SARS1: variants seen among roughly 807,000 people sequenced by gnomAD.
The protein encoded by SARS1 is seryl-tRNA synthetase 1.
Under a neutral mutation model 63.7 loss-of-function variants are expected in SARS1, and 25 were observed. The ratio of observed to expected loss-of-function variants is 0.39; its 90% CI spans 0.29 to 0.55. The LOEUF (loss-of-function observed/expected upper bound fraction) is 0.55. Ranked by LOEUF, SARS1 falls within the 20% of genes least tolerant of loss-of-function variation. The pLI is 0.62. For synonymous variants in SARS1, 231 were observed against 243.5 expected, an observed-to-expected ratio of 0.95 and a Z score of 0.48; for missense variants, 417 against 649.7, an observed-to-expected ratio of 0.64 and a Z score of 3.89.
At chr1:109,225,247 C>T (rs1260204687) in intron 2 of SARS1, among the ~76,000 whole-genome samples, 2 of 152,150 alleles carry the variant, frequency 1.3e-5, no homozygotes, top group Non-Finnish European at 1.5e-5. Context: ...AAGATGACCT[C>T]GGGATTCTAG....
chr1:109,218,408 T>TTC, intron 1 of SARS1, among the ~76,000 whole-genome samples: 1 of 145,950 alleles, frequency 6.9e-6, no homozygotes, highest in East Asian at 2.0e-4. Flanking sequence ...ATATTTTACT[T>TTC]TTTTTTTTTT....
Position 109,213,919 on chromosome 1 carries a change from C to A in SARS1, c.-74C>A, listed in dbSNP as rs1654723406. 6.7e-6 allele frequency: 10 copies of A among 1,489,374 alleles called. No individual in the cohort carries two copies. 92.3% of individuals were successfully genotyped at this position (1,489,374 alleles called of 1,614,324 possible). ...GGAAGGGCGGGTCAGCGCGCCGGCG[C>A]AGTGCGGCGGTCACAGGCTGAGTGC... On this transcript the variant is annotated 5_prime_UTR_variant, in exon 1 of 11. Transcript: ENST00000234677.
At chr1:109,227,244 C>G (rs1655110812) in intron 2 of SARS1, among the ~76,000 whole-genome samples, 1 of 152,144 alleles carries the variant, frequency 6.6e-6, no homozygotes, top group Admixed American at 6.5e-5. Context: ...CCACCCACCT[C>G]AGCCTCCCAA....
rs1655219146 is a variant in SARS1, at chr1:109,231,870, G to C, written c.747+84G>C. ...TGATGCAGAGTGGTGCTGTCCAATAGGACTTTCTGCGATGATGGAAACGTT... is the reference window on the plus strand; with the variant it reads ...TGATGCAGAGTGGTGCTGTCCAATACGACTTTCTGCGATGATGGAAACGTT... On this transcript the variant is annotated intron_variant, in intron 6 of 10. Coordinates refer to ENST00000234677, the MANE Select transcript of SARS1 (RefSeq NM_006513.4). 5 of 1,201,028 alleles carry C rather than the reference G, an allele frequency of 4.2e-6. No homozygotes were observed. The East Asian group carries it at 1.5e-4, about 35-fold the overall frequency. 74.4% of individuals were successfully genotyped at this position (1,201,028 alleles called of 1,614,324 possible). A position where few individuals can be genotyped will look rare whatever the true frequency, so the allele number is the denominator to read the frequency against.
chr1:109,226,189 G>A, intron 2 of SARS1, among the ~76,000 whole-genome samples: 1 of 126,266 alleles, frequency 7.9e-6, no homozygotes, highest in South Asian at 2.5e-4. Flanking sequence ...TCCCTGTGTT[G>A]CTACTGCACC....
At chr1:109,226,717 CACACACACACAT>C (rs1327460486) in intron 2 of SARS1, among the ~76,000 whole-genome samples, 3 of 54,054 alleles carry the variant, frequency 5.6e-5, no homozygotes, top group Admixed American at 2.5e-4. Context: ...CACACACACA[CACACACACACAT>C]ATATATATAT....
intron 1 of SARS1, among the ~76,000 whole-genome samples, chr1:109,217,727 A>G (rs1373538977): frequency 1.3e-5 from 2 of 151,678 alleles, no homozygotes; most frequent in African/African-American, 4.8e-5. Context: ...TGCCCAGCTA[A>G]TTTTTAATTT....
At chr1:109,217,770 G>T (rs1455640069) in intron 1 of SARS1, among the ~76,000 whole-genome samples, 1 of 151,880 alleles carries the variant, frequency 6.6e-6, no homozygotes, top group Non-Finnish European at 1.5e-5. Flanking sequence ...TTGTTGCCCA[G>T]GCTGGTCTCG....
At chr1:109,226,076 T>C (rs1412050619) in intron 2 of SARS1, among the ~76,000 whole-genome samples, 1 of 151,630 alleles carries the variant, frequency 6.6e-6, no homozygotes, top group Non-Finnish European at 1.5e-5. Context: ...CACTGCAGCC[T>C]CAACCTCCTG....
chr1:109,214,132 A>C lies in SARS1; in HGVS notation c.136+4A>C. 1 of 1,613,456 alleles carries C rather than the reference A, an allele frequency of 6.2e-7. No homozygotes were observed. The highest frequency in any genetic ancestry group is 8.5e-7 in the Non-Finnish European group (1 of 1,179,654). Reference sequence around the variant, plus strand: ...GCAGACAGCGAGTGGCGACGATGTAAGTACCGGGACGGGCGGGTTACCTCC... The same window carrying C: ...GCAGACAGCGAGTGGCGACGATGTACGTACCGGGACGGGCGGGTTACCTCC... On this transcript the variant is annotated splice_donor_region_variant and intron_variant, in intron 1 of 10. Transcript: ENST00000234677. This position sits in a 1 kb window ranked among gnomAD's most constrained non-coding sequence, Gnocchi z 4.6.
chr1:109,220,125 TTAAC>T (rs1654897490), intron 1 of SARS1, among the ~76,000 whole-genome samples: 1 of 152,232 alleles, frequency 6.6e-6, no homozygotes, highest in African/African-American at 2.4e-5. Flanking sequence ...AAGCAGCTAA[TTAAC>T]ATATCCATCA....
intron 2 of SARS1, among the ~76,000 whole-genome samples, chr1:109,225,408 C>A (rs1424428901): frequency 1.3e-5 from 2 of 152,130 alleles, no homozygotes; most frequent in Non-Finnish European, 2.9e-5. Flanking sequence ...ATACTAGAGG[C>A]CCCATAATTA....
intron 1 of SARS1, among the ~76,000 whole-genome samples, chr1:109,221,990 A>T (rs1390622581): frequency 1.6e-4 from 1 of 6,364 alleles, no homozygotes; most frequent in Non-Finnish European, 3.0e-4. Flanking sequence ...ATATATATAT[A>T]TATATATATA....
chr1:109,215,680 A>ATG (rs1177786237), intron 1 of SARS1: 10 of 936,568 alleles, frequency 1.1e-5, no homozygotes, highest in Non-Finnish European at 1.1e-5. Context: ...TTAATCCTAA[A>ATG]TGTGAAGTCA....
intron 2 of SARS1, among the ~76,000 whole-genome samples, chr1:109,227,632 T>G (rs1655117033): frequency 6.6e-6 from 1 of 151,938 alleles, no homozygotes; most frequent in African/African-American, 2.4e-5. Context: ...CCGGGTGCAG[T>G]GGCTCACGCC....
intron 1 of SARS1, chr1:109,215,112 T>A (rs1654755422): frequency 2.0e-6 from 2 of 985,442 alleles, no homozygotes; most frequent in South Asian, 4.7e-5. Flanking sequence ...TTCTCCTGTT[T>A]ATAAGGATCT....
chr1:109,226,663 TAAAA>T (rs66652692), intron 2 of SARS1, among the ~76,000 whole-genome samples: 13 of 55,528 alleles, frequency 2.3e-4, no homozygotes, highest in African/African-American at 8.1e-4. Flanking sequence ...CTGGCTAATT[TAAAA>T]AAAAAAAAAA....
chr1:109,236,255 T>G, intron 8 of SARS1, 136 bp from the exon 9 acceptor site: 1 of 1,285,826 alleles, frequency 7.8e-7, no homozygotes, highest in Non-Finnish European at 1.1e-6. Flanking sequence ...TTGGGAGTAT[T>G]TGGTGTTAAG....
chr1:109,221,794 GGTTTT>G (rs1029267447), intron 1 of SARS1, among the ~76,000 whole-genome samples: 3 of 151,078 alleles, frequency 2.0e-5, no homozygotes, highest in Admixed American at 1.3e-4. Context: ...TACAATATTT[GGTTTT>G]GTTTTATTTT....
Sources: gnomAD v4.1 joint callset for allele counts (sites outside exome capture counted in the v4.1 genomes callset) on GRCh38, gnomAD v4.1.1 for gene constraint, Gnocchi (gnomAD v3.1) non-coding constraint, MANE v1.5 for transcripts, NCBI Gene and HGNC (gene_info 2026-07-23, HGNC 2026-07-21) for gene names.